The following KATNAL2 variants were observed in gnomAD, a reference collection of about 807,000 sequenced individuals.
KATNAL2 encodes the protein katanin catalytic subunit A1 like 2, also known as katanin p60 ATPase-containing subunit A-like 2.
In KATNAL2, 52 loss-of-function variants were observed where a neutral mutation model predicts 76.3. That is an observed-to-expected ratio of 0.68 (90% CI 0.55 to 0.86). KATNAL2 has a LOEUF of 0.86. KATNAL2 is among the 40% of genes least tolerant of loss of function. The pLI, the probability that KATNAL2 is intolerant of heterozygous loss-of-function variation, is 0.00. For missense variants in KATNAL2, 660 were observed against 668.9 expected (o/e 0.99, Z 0.15); for synonymous variants, 243 against 244.2 (o/e 1.00, Z 0.05).
intron 3 of KATNAL2, among the ~76,000 whole-genome samples, chr18:46,952,700 AG>A (rs1312384676): frequency 2.0e-5 from 3 of 149,902 alleles, no homozygotes; most frequent in Non-Finnish European, 4.5e-5. Flanking sequence ...CCCCTGGCCC[AG>A]GTATGTTTTT....
chr18:47,048,984 G>A (rs1181435767), intron 4 of KATNAL2, among the ~76,000 whole-genome samples: 1 of 151,828 alleles, frequency 6.6e-6, no homozygotes, highest in African/African-American at 2.4e-5. Flanking sequence ...ACAGGCACCC[G>A]CCACCAAGCC....
intron 3 of KATNAL2, among the ~76,000 whole-genome samples, chr18:46,955,174 C>CTTTCTT (rs1555834806): frequency 7.5e-6 from 1 of 132,708 alleles, no homozygotes; most frequent in South Asian, 2.5e-4. Flanking sequence ...TTCTTTCTTT[C>CTTTCTT]TTTCTTTCTT....
intron 3 of KATNAL2, chr18:47,033,859 C>T: frequency 1.9e-6 from 3 of 1,614,066 alleles, no homozygotes; most frequent in Non-Finnish European, 1.7e-6. Context: ...GGCCTGCATC[C>T]AGGCCTCTGA....
intron 10 of KATNAL2, among the ~76,000 whole-genome samples, chr18:47,065,768 G>T (rs1398686709): frequency 6.6e-6 from 1 of 152,054 alleles, no homozygotes; most frequent in South Asian, 2.1e-4. Flanking sequence ...AGGATCACTT[G>T]TGTCCAGGAG....
At chr18:46,952,925 C>T (rs2059611723) in intron 3 of KATNAL2, among the ~76,000 whole-genome samples, 1 of 127,626 alleles carries the variant, frequency 7.8e-6, no homozygotes, top group African/African-American at 2.9e-5. Flanking sequence ...GGCGGAGTCT[C>T]GCTCTGTTGC....
intron 1 of KATNAL2, among the ~76,000 whole-genome samples, chr18:46,941,503 TG>T (rs74172048): frequency 2.0e-5 from 3 of 150,678 alleles, no homozygotes; most frequent in Non-Finnish European, 4.4e-5. Context: ...TGGGGAGGGG[TG>T]GGGAGGAAAA....
At chr18:47,039,323 A>T (rs1213512384) in intron 3 of KATNAL2, among the ~76,000 whole-genome samples, 3 of 152,094 alleles carry the variant, frequency 2.0e-5, no homozygotes, top group Admixed American at 2.0e-4. Context: ...CATTGCCTTG[A>T]TCAATTTTAG....
At chr18:47,076,036 G>GT (rs1204695851) in intron 14 of KATNAL2, 1 of 152,078 alleles carries the variant, frequency 6.6e-6, no homozygotes, top group Non-Finnish European at 1.5e-5. Flanking sequence ...TTGATCAGAG[G>GT]TATTTTCCAC....
intron 13 of KATNAL2, among the ~76,000 whole-genome samples, chr18:47,074,364 T>C (rs2062115489): frequency 6.6e-6 from 1 of 152,196 alleles, no homozygotes; most frequent in Admixed American, 6.5e-5. Context: ...CCTGACTTTT[T>C]CAGAACCCTT....
At chr18:47,040,395 G>A (rs1348453900) in intron 3 of KATNAL2, among the ~76,000 whole-genome samples, 3 of 152,180 alleles carry the variant, frequency 2.0e-5, no homozygotes, top group Non-Finnish European at 1.5e-5. Context: ...GATTATCTCT[G>A]GTCTGGAGTG....
intron 13 of KATNAL2, among the ~76,000 whole-genome samples, chr18:47,071,377 C>T (rs181061584): frequency 2.2e-3 from 337 of 152,248 alleles, no homozygotes; most frequent in African/African-American, 7.8e-3. Flanking sequence ...ACTTAATATG[C>T]ACAGATTTTG....
chr18:47,078,834 G>A lies in KATNAL2; in HGVS notation c.1211+1373G>A, dbSNP rs958596293. On this transcript the variant is annotated intron_variant, in intron 15 of 17. Coordinates refer to ENST00000683218, the MANE Select transcript of KATNAL2 (RefSeq NM_001387690.1). ...AAAAACCAAAAACAAAGCAAAAAAC[G>A]CATAAAAATTGAATAAGCTTATAAG... 3.3e-5 allele frequency among the ~76,000 whole-genome samples: 5 copies of A among 152,086 alleles called. No homozygotes were observed. In the South Asian group the frequency reaches 6.2e-4, roughly 19 times the overall value.
At position 46,918,565 on chromosome 18, in the gene KATNAL2, C is replaced by T. The variant is rs1403965507; in HGVS notation, c.-510+639C>T. Among the ~76,000 whole-genome samples the T allele has an allele frequency of 2.6e-5, 4 of 152,294 alleles. No individual in the cohort carries two copies. In the East Asian group the frequency reaches 7.7e-4, roughly 29 times the overall value. The stretch of plus-strand genomic sequence containing the variant: ...TGCCTCCCGGGTTCAAGCGATTCTC[C>T]TACCTCCGCCTCCCGAGTAGCTGCG... On this transcript the variant is annotated intron_variant, in intron 1 of 17. Transcript: ENST00000683218.
intron 1 of KATNAL2, among the ~76,000 whole-genome samples, chr18:46,925,692 G>A (rs1311236918): frequency 1.3e-5 from 2 of 152,216 alleles, no homozygotes; most frequent in Admixed American, 6.5e-5. Context: ...GGTAGAATTC[G>A]GCTGTGAATC....
chr18:46,935,978 T>C lies in KATNAL2; in HGVS notation c.-509-10079T>C, dbSNP rs188890081. ...CTATAAATGAACTATAAATATCTGT[T>C]GAGGATGCCATAGTTGAGACTTCCT... On this transcript the variant is annotated intron_variant, in intron 1 of 17. Transcript: ENST00000683218. 2.1e-3 allele frequency among the ~76,000 whole-genome samples: 319 copies of C among 152,246 alleles called. 1 individual carries two copies. Among genetic ancestry groups the C allele is most frequent in the African/African-American group, 7.4e-3 (309 of 41,550 alleles).
At chr18:47,074,332 C>G (rs900077097) in intron 13 of KATNAL2, among the ~76,000 whole-genome samples, 10 of 152,188 alleles carry the variant, frequency 6.6e-5, no homozygotes, top group African/African-American at 2.2e-4. Flanking sequence ...GGATGAGCTG[C>G]TGCTGCTCGT....
At chr18:47,031,339 T>C (rs2060419291) in intron 3 of KATNAL2, among the ~76,000 whole-genome samples, 1 of 152,152 alleles carries the variant, frequency 6.6e-6, no homozygotes, top group Non-Finnish European at 1.5e-5. Flanking sequence ...ATATGTATGT[T>C]TTCGGCTTTT....
intron 3 of KATNAL2, among the ~76,000 whole-genome samples, chr18:47,039,131 A>G (rs921471204): frequency 2.0e-5 from 3 of 152,138 alleles, no homozygotes; most frequent in African/African-American, 7.2e-5. Context: ...TTTCAGTTAG[A>G]CTATTTATTT....
At chr18:46,929,574 T>G (rs534047411) in intron 1 of KATNAL2, among the ~76,000 whole-genome samples, 37 of 152,230 alleles carry the variant, frequency 2.4e-4, no homozygotes, top group Admixed American at 5.2e-4. Flanking sequence ...CTGAGTAGTA[T>G]TCTATTGTAT....
Sources: gnomAD v4.1 joint callset for allele counts (sites outside exome capture counted in the v4.1 genomes callset) on GRCh38, gnomAD v4.1.1 for gene constraint, MANE v1.5 for transcripts, NCBI Gene and HGNC (gene_info 2026-07-23, HGNC 2026-07-21) for gene names.